The following LHCGR variants were observed in gnomAD, a reference collection of about 807,000 sequenced individuals.
LHCGR encodes lutropin-choriogonadotropic hormone receptor.
Under a neutral mutation model 60.7 loss-of-function variants are expected in LHCGR, and 55 were observed. The observed-to-expected ratio is 0.91, with a 90% CI of 0.73 to 1.13. The LOEUF is 1.13. LHCGR is among the 50% of genes most tolerant of loss of function. The pLI is 0.00. For missense variants in LHCGR, 862 were observed against 836.0 expected (o/e 1.03, Z -0.38); for synonymous variants, 337 against 316.5 (o/e 1.06, Z -0.69).
chr2:48,695,563 A>G (rs1449826864), intron 9 of LHCGR, among the ~76,000 whole-genome samples: 2 of 152,198 alleles, frequency 1.3e-5, no homozygotes, highest in African/African-American at 4.8e-5. Context: ...GTATATACCC[A>G]ATGAAATAGA....
chr2:48,722,171 AG>A (rs1668528449), intron 6 of LHCGR, among the ~76,000 whole-genome samples: 1 of 152,172 alleles, frequency 6.6e-6, no homozygotes, highest in African/African-American at 2.4e-5. Flanking sequence ...TATGCTGCCC[AG>A]GATGCTGCTT....
At chr2:48,728,292 C>T (rs1426074597) in intron 3 of LHCGR, among the ~76,000 whole-genome samples, 1 of 152,098 alleles carries the variant, frequency 6.6e-6, no homozygotes, top group Non-Finnish European at 1.5e-5. Context: ...CCCCACTCTG[C>T]ATGGTAGCTG....
chr2:48,711,159 C>G (rs1000495591), intron 7 of LHCGR, among the ~76,000 whole-genome samples: 1 of 152,226 alleles, frequency 6.6e-6, no homozygotes, highest in African/African-American at 2.4e-5. Flanking sequence ...TGTCATCCTT[C>G]AGGCTCAGCC....
At chr2:48,724,820 C>G (rs746143671) in intron 4 of LHCGR, among the ~76,000 whole-genome samples, 6 of 152,102 alleles carry the variant, frequency 3.9e-5, no homozygotes, top group Non-Finnish European at 8.8e-5. Context: ...AGGAGCTATG[C>G]CAGTTCCAGT....
At position 48,755,641 on chromosome 2, in the gene LHCGR, G is replaced by T; in HGVS notation, c.31C>A (p.Leu11Met). The change falls in exon 1 of 11, where the codon CTG becomes ATG. Residue 11 changes from leucine to methionine, a missense_variant. Transcript: ENST00000294954. MKQRFSALQLLKLLLLLQPPL... is the reference protein window; with the variant it reads MKQRFSALQLMKLLLLLQPPL... ...GGCTGCAGCAGCAGCAGCAGCTTCA[G>T]CAGCTGCAGCGCCGAGAACCGCTGC... The T allele has an allele frequency of 6.5e-7, 1 of 1,535,762 alleles. No individual in the cohort carries two copies. Among genetic ancestry groups the T allele is most frequent in the African/African-American group, 1.4e-5 (1 of 73,068 alleles).
At chr2:48,718,858 C>G (rs1004581208) in intron 6 of LHCGR, among the ~76,000 whole-genome samples, 1 of 152,200 alleles carries the variant, frequency 6.6e-6, no homozygotes, top group Non-Finnish European at 1.5e-5. Flanking sequence ...TCTGGGGGTT[C>G]ATAGTCTCTA....
At chr2:48,741,117 G>T (rs1669431059) in intron 1 of LHCGR, among the ~76,000 whole-genome samples, 1 of 152,162 alleles carries the variant, frequency 6.6e-6, no homozygotes, top group African/African-American at 2.4e-5. Flanking sequence ...TGAATGAAAT[G>T]AAGTGAGAAG....
intron 1 of LHCGR, among the ~76,000 whole-genome samples, chr2:48,745,381 A>G (rs1669651906): frequency 6.6e-6 from 1 of 152,216 alleles, no homozygotes; most frequent in Non-Finnish European, 1.5e-5. Flanking sequence ...ATGCCGCTAT[A>G]AAGACACATG....
intron 1 of LHCGR, among the ~76,000 whole-genome samples, chr2:48,750,698 C>T (rs189950066): frequency 6.6e-6 from 1 of 152,210 alleles, no homozygotes; most frequent in Non-Finnish European, 1.5e-5. Context: ...CTCAGTAACA[C>T]TTTAATTATA....
At chr2:48,746,443 A>C (rs993044979) in intron 1 of LHCGR, among the ~76,000 whole-genome samples, 1 of 152,244 alleles carries the variant, frequency 6.6e-6, no homozygotes, top group Admixed American at 6.5e-5. Flanking sequence ...ACCTTCAATT[A>C]AATATTTCAA....
chr2:48,746,965 T>C (rs987284283), intron 1 of LHCGR, among the ~76,000 whole-genome samples: 5 of 151,814 alleles, frequency 3.3e-5, no homozygotes, highest in Admixed American at 2.0e-4. Flanking sequence ...CAGATATGCT[T>C]CAGGAAGCTC....
rs777889065 is a variant in LHCGR at position 48,729,130 on chromosome 2, ACTGT to A, written c.308+19_308+22del. ...TGAGGGTAATAGTGTACAGCAGTAAACTGTCTGTTAGCTGATGCTTACATTTCAG... is the reference window on the plus strand; with the variant it reads ...TGAGGGTAATAGTGTACAGCAGTAAACTGTTAGCTGATGCTTACATTTCAG... On this transcript the variant is annotated intron_variant, in intron 3 of 10. Coordinates refer to ENST00000294954, the MANE Select transcript of LHCGR (RefSeq NM_000233.4). The A allele has an allele frequency of 7.7e-6, 12 of 1,555,192 alleles. No homozygotes were observed. The highest frequency in any genetic ancestry group is 1.1e-5 in the South Asian group (1 of 89,988).
At chr2:48,714,842 A>C (rs920337433) in intron 6 of LHCGR, among the ~76,000 whole-genome samples, 1 of 152,176 alleles carries the variant, frequency 6.6e-6, no homozygotes, top group Non-Finnish European at 1.5e-5. Flanking sequence ...TTGAGCCACA[A>C]AGGAGTCTAG....
At chr2:48,746,311 C>T (rs1287643438) in intron 1 of LHCGR, among the ~76,000 whole-genome samples, 4 of 152,184 alleles carry the variant, frequency 2.6e-5, no homozygotes, top group African/African-American at 9.7e-5. Flanking sequence ...TAAATCTTGA[C>T]TTTCCTCTGA....
intron 1 of LHCGR, among the ~76,000 whole-genome samples, chr2:48,738,817 A>C (rs1368630523): frequency 6.6e-6 from 1 of 152,268 alleles, no homozygotes; most frequent in Non-Finnish European, 1.5e-5. Flanking sequence ...TGAAATGAGA[A>C]TATTTTATAC....
chr2:48,693,275 C>G (rs1376773671), intron 10 of LHCGR, among the ~76,000 whole-genome samples: 1 of 152,182 alleles, frequency 6.6e-6, no homozygotes, highest in African/African-American at 2.4e-5. Flanking sequence ...TGCTTAGCAA[C>G]TTCCTTCATT....
At chr2:48,692,795 G>T (rs1234427379) in intron 10 of LHCGR, among the ~76,000 whole-genome samples, 1 of 152,200 alleles carries the variant, frequency 6.6e-6, no homozygotes, top group African/African-American at 2.4e-5. Context: ...CTGAGGAATG[G>T]CTATCTGGTG....
chr2:48,709,986 C>T (rs1252988421), intron 7 of LHCGR, among the ~76,000 whole-genome samples: 1 of 152,118 alleles, frequency 6.6e-6, no homozygotes, highest in East Asian at 1.9e-4. Flanking sequence ...GTGCATCTAC[C>T]GTTGATGTGA....
intron 3 of LHCGR, among the ~76,000 whole-genome samples, chr2:48,726,517 A>G (rs550325011): frequency 6.6e-4 from 101 of 152,230 alleles, no homozygotes; most frequent in East Asian, 1.2e-3. Context: ...CATTCCCCTA[A>G]TTACTGTGAC....
Sources: gnomAD v4.1 joint callset for allele counts (sites outside exome capture counted in the v4.1 genomes callset) on GRCh38, gnomAD v4.1.1 for gene constraint, MANE v1.5 for transcripts, NCBI Gene and HGNC (gene_info 2026-07-23, HGNC 2026-07-21) for gene names.